Variants in SELENOS observed in about 807,000 individuals in gnomAD.
SELENOS encodes the protein selenoprotein S.
A neutral mutation model predicts 30.2 loss-of-function variants in SELENOS; 37 were observed. The ratio of observed to expected loss-of-function variants is 1.23; its 90% CI spans 0.94 to 1.61. The LOEUF is 1.61. Among genes scored for constraint, SELENOS ranks in the 40% most tolerant of loss-of-function variants. The probability of loss-of-function intolerance (pLI) is 0.00; values close to 1 mark genes in which losing one functional copy is unlikely to be tolerated. For synonymous variants in SELENOS, 119 were observed against 91.6 expected, an observed-to-expected ratio of 1.30 and a Z score of -1.71; for missense variants, 289 against 231.8, an observed-to-expected ratio of 1.25 and a Z score of -1.60.
In SELENOS at chr15:101,277,450, G is replaced by A; in HGVS notation, c.-33C>T. On this transcript the variant is annotated 5_prime_UTR_variant, in exon 1 of 6. Transcript: ENST00000526049. ...GCCGCCGCCGCCGCCCAGCCCTGCC[G>A]CCGCGCCTCCAGCCGGGCGCTTCCG... The A allele has an allele frequency of 1.4e-6, 2 of 1,422,970 alleles. No individual in the cohort carries two copies. Among genetic ancestry groups the A allele is most frequent in the Non-Finnish European group, 9.1e-7 (1 of 1,097,300 alleles). The allele number at this position is 1,422,970 out of a possible 1,614,324, so 88.1% of individuals were successfully genotyped here. A position where few individuals can be genotyped will look rare whatever the true frequency, so the allele number is the denominator to read the frequency against.
At chr15:101,276,783 G>A in intron 1 of SELENOS, 108 bp from the exon 2 acceptor site, 1 of 1,377,152 alleles carries the variant, frequency 7.3e-7, no homozygotes, top group Non-Finnish European at 9.8e-7. Flanking sequence ...AGCCTTCATG[G>A]TCTAGGCTGA....
chr15:101,275,867 G>A (rs1318121989), intron 2 of SELENOS, among the ~76,000 whole-genome samples: 1 of 149,262 alleles, frequency 6.7e-6, no homozygotes, highest in African/African-American at 2.5e-5. Context: ...TATTCATAAC[G>A]TCTACTCATA....
At chr15:101,276,933 G>T (rs1253381829) in intron 1 of SELENOS, 4 of 528,918 alleles carry the variant, frequency 7.6e-6, no homozygotes, top group Admixed American at 6.7e-5. Context: ...ACTGGGTTTT[G>T]AAGAATGAAG....
chr15:101,274,963 G>A, intron 3 of SELENOS: 1 of 574,062 alleles, frequency 1.7e-6, no homozygotes, highest in Non-Finnish European at 3.0e-6. Context: ...TGGTAATGGG[G>A]AAGACACAGG....
downstream of SELENOS, chr15:101,272,097 G>A (rs1015944581): frequency 2.0e-5 from 3 of 152,200 alleles, no homozygotes; most frequent in Non-Finnish European, 4.4e-5. Flanking sequence ...GAACCCCAAG[G>A]AGTCTGTCAA....
Position 101,276,420 on chromosome 15 carries a change from T to TC in SELENOS, c.211+120_211+121insG, listed in dbSNP as rs985866181. 4.5e-6 allele frequency: 6 copies of TC among 1,330,480 alleles called. No homozygotes were observed. The African/African-American group carries it at 7.5e-5, about 17-fold the overall frequency. 82.4% of individuals were successfully genotyped at this position (1,330,480 alleles called of 1,614,324 possible). The stretch of plus-strand genomic sequence containing the variant: ...CGTGCCGCCACTCCCGGCTATTTTT[T>TC]TTTTTTTTAAATAGAGACAGGGTCT... On this transcript the variant is annotated intron_variant, in intron 2 of 5. Coordinates refer to ENST00000526049, the MANE Select transcript of SELENOS (RefSeq NM_018445.6).
chr15:101,275,355 TC>T lies in SELENOS; in HGVS notation c.217del (p.Asp73MetfsTer10). Reference sequence around the variant, plus strand: ...AGCTTCTTGTCGTTTAACAACAACATCAGGTTCTAAAATGTCAGAAAAAAAT... The same window carrying T: ...AGCTTCTTGTCGTTTAACAACAACATAGGTTCTAAAATGTCAGAAAAAAAT... Reference protein sequence around the residue: ...LDRAAAAVEPDVVVKRQEALA... With the variant: ...LDRAAAAVEPXVVVKRQEALA... On this transcript the variant is annotated frameshift_variant, in exon 3 of 6. Transcript: ENST00000526049. LOFTEE classifies it high-confidence loss of function. The T allele has an allele frequency of 6.4e-7, 1 of 1,567,570 alleles. No homozygotes were observed. Among genetic ancestry groups the T allele is most frequent in the Non-Finnish European group, 8.6e-7 (1 of 1,156,162 alleles).
At chr15:101,274,839 T>C (rs2039307132) in intron 3 of SELENOS, 158 bp from the exon 4 acceptor site, 1 of 791,680 alleles carries the variant, frequency 1.3e-6, no homozygotes, top group African/African-American at 1.8e-5. Context: ...GTAGTGTGAG[T>C]TTAACTCACA....
At chr15:101,276,999 T>G in intron 1 of SELENOS, 1 of 533,548 alleles carries the variant, frequency 1.9e-6, no homozygotes, top group South Asian at 2.2e-5. Flanking sequence ...TAGAAAGGGG[T>G]GACAGCGCGG....
intron 2 of SELENOS, 26 bp from the exon 3 acceptor site, chr15:101,275,387 T>TA: frequency 6.5e-7 from 1 of 1,527,844 alleles, no homozygotes; most frequent in Non-Finnish European, 8.8e-7. Context: ...AAAATGGAGA[T>TA]AAAGCACTGT....
Position 101,277,437 on chromosome 15 carries a change from G to C in SELENOS, c.-20C>G, listed in dbSNP as rs764487480. The C allele has an allele frequency of 7.6e-6, 11 of 1,440,026 alleles. No individual in the cohort carries two copies. The East Asian group carries it at 3.0e-4, about 39-fold the overall frequency. 89.2% of individuals were successfully genotyped at this position (1,440,026 alleles called of 1,614,324 possible). ...TTCCATGACCGCCGCCGCCGCCGCCGCCCAGCCCTGCCGCCGCGCCTCCAG... is the reference window on the plus strand; with the variant it reads ...TTCCATGACCGCCGCCGCCGCCGCCCCCCAGCCCTGCCGCCGCGCCTCCAG... On this transcript the variant is annotated 5_prime_UTR_variant, in exon 1 of 6. Coordinates refer to ENST00000526049, the MANE Select transcript of SELENOS (RefSeq NM_018445.6).
chr15:101,276,961 A>C (rs1007801751), intron 1 of SELENOS: 5 of 522,156 alleles, frequency 9.6e-6, no homozygotes, highest in Non-Finnish European at 1.7e-5. Context: ...AATCTGAATC[A>C]GGAAGGCAAA....
downstream of SELENOS, chr15:101,271,138 C>T (rs1173437243): frequency 6.6e-6 from 1 of 152,186 alleles, no homozygotes; most frequent in Non-Finnish European, 1.5e-5. Context: ...CCCAGAGCCC[C>T]TCTACTCATG....
At position 101,275,264 on chromosome 15, in the gene SELENOS, T is replaced by G. The variant is rs371871361; in HGVS notation, c.309A>C (p.Lys103Asn). 221 of 1,554,830 alleles carry G rather than the reference T, an allele frequency of 1.4e-4. 1 individual carries two copies. Among genetic ancestry groups the G allele is most frequent in the Non-Finnish European group, 1.9e-4 (217 of 1,149,982 alleles). The change falls in exon 3 of 6, where the codon AAA becomes AAC. Residue 103 changes from lysine to asparagine, a missense_variant. Transcript: ENST00000526049. ...LNAQVEKHKE[K>N]LKQLEEEKRR... Reference sequence around the variant, plus strand: ...TGAAACCAGTTCATACTTGTTTCAGTTTTTCCTTATGCTTTTCAACTTGCG... The same window carrying G: ...TGAAACCAGTTCATACTTGTTTCAGGTTTTCCTTATGCTTTTCAACTTGCG...
Position 101,276,669 on chromosome 15 carries a change from G to A in SELENOS, c.83C>T (p.Ser28Phe). 1.2e-6 allele frequency: 2 copies of A among 1,602,308 alleles called. No individual in the cohort carries two copies. Among genetic ancestry groups the A allele is most frequent in the Non-Finnish European group, 1.7e-6 (2 of 1,177,038 alleles). ...GLRFLHTTVG[S>F]LLATYGWYIV... ...GTACCAGCCATAGGTGGCCAGCAGG[G>A]AGCCCACTGAAAAGAAAAACAGTTT... The change falls in exon 2 of 6, where the codon TCC becomes TTC. Residue 28 changes from serine to phenylalanine, a missense_variant. Physicochemically the swap from Ser to Phe is radical, Grantham distance 155. Coordinates refer to ENST00000526049, the MANE Select transcript of SELENOS (RefSeq NM_018445.6).
rs768452439 is a variant in SELENOS, at chr15:101,277,364, C to A, written c.54G>T (p.Gly18=). The change falls in exon 1 of 6, where the codon GGG becomes GGT. Residue 18 remains glycine, a synonymous_variant. Coordinates refer to ENST00000526049, the MANE Select transcript of SELENOS (RefSeq NM_018445.6). ...LSARPALETE[G]LRFLHTTVGS... is the part of the protein sequence containing the mutation. ...CACCCGTGGTGTGCAGGAAGCGCAG[C>A]CCCTCGGTCTCCAGGGCCGGCCGCG... 1 of 1,513,668 alleles carries A rather than the reference C, an allele frequency of 6.6e-7. No homozygotes were observed. Among genetic ancestry groups the A allele is most frequent in the Non-Finnish European group, 8.8e-7 (1 of 1,138,722 alleles). 93.8% of individuals were successfully genotyped at this position (1,513,668 alleles called of 1,614,324 possible).
chr15:101,277,370 G>A lies in SELENOS; in HGVS notation c.48C>T (p.Thr16=), dbSNP rs761813947. Residue 16 remains threonine (T), a synonymous_variant, in exon 1 of 6, where the codon ACC becomes ACT. Transcript: ENST00000526049. ...ESLSARPALE[T]EGLRFLHTTV... is the part of the protein sequence containing the mutation. Reference sequence around the variant, plus strand: ...TGGTGTGCAGGAAGCGCAGCCCCTCGGTCTCCAGGGCCGGCCGCGCGGACA... The same window carrying A: ...TGGTGTGCAGGAAGCGCAGCCCCTCAGTCTCCAGGGCCGGCCGCGCGGACA... 32 of 1,513,484 alleles carry A rather than the reference G, an allele frequency of 2.1e-5. No individual in the cohort carries two copies. In the African/African-American group the frequency reaches 4.2e-4, roughly 20 times the overall value. The allele number at this position is 1,513,484 out of a possible 1,614,324, so 93.8% of individuals were successfully genotyped here.
At chr15:101,276,991 G>A (rs1480492304) in intron 1 of SELENOS, 1 of 534,658 alleles carries the variant, frequency 1.9e-6, no homozygotes, top group African/African-American at 1.9e-5. Context: ...GAGCCACATA[G>A]AAAGGGGTGA....
At chr15:101,273,190 A>T (rs907928038) in intron 5 of SELENOS, among the ~76,000 whole-genome samples, 4 of 152,104 alleles carry the variant, frequency 2.6e-5, no homozygotes, top group African/African-American at 9.7e-5. Context: ...ACTAAAACTC[A>T]TACATTCAAA....
Sources: gnomAD v4.1 joint callset for allele counts (sites outside exome capture counted in the v4.1 genomes callset) on GRCh38, gnomAD v4.1.1 for gene constraint, MANE v1.5 for transcripts, NCBI Gene and HGNC (gene_info 2026-07-23, HGNC 2026-07-21) for gene names.